CRBN: variants seen among roughly 807,000 people sequenced by gnomAD.
CRBN encodes the protein protein cereblon.
A neutral mutation model predicts 62.2 loss-of-function variants in CRBN; 53 were observed. The observed-to-expected ratio is 0.85, with a 90% CI of 0.68 to 1.07. CRBN has a LOEUF of 1.07. Among genes scored for constraint, CRBN ranks in the 50% least tolerant of loss-of-function variants. The pLI, the probability that CRBN is intolerant of heterozygous loss-of-function variation, is 0.00. For synonymous variants in CRBN, 208 were observed against 176.1 expected (o/e 1.18, Z -1.43); for missense variants, 616 against 531.1 (o/e 1.16, Z -1.57).
At chr3:3,175,316 C>G in intron 1 of CRBN, 47 bp from the exon 2 acceptor site, 4 of 1,329,624 alleles carry the variant, frequency 3.0e-6, no homozygotes, top group Non-Finnish European at 4.3e-6. Context: ...TGAATGAAAA[C>G]CTTTCAAACA....
intron 9 of CRBN, chr3:3,152,792 A>G (rs1706672474): frequency 1.7e-6 from 1 of 605,250 alleles, no homozygotes; most frequent in South Asian, 2.0e-5. Context: ...CTAAATGTCT[A>G]AATGTTTTCT....
At chr3:3,153,207 C>A in intron 9 of CRBN, 1 of 495,334 alleles carries the variant, frequency 2.0e-6, no homozygotes, top group Non-Finnish European at 3.7e-6. Flanking sequence ...TTTACTTTAC[C>A]ATGCTCATTA....
intron 5 of CRBN, among the ~76,000 whole-genome samples, chr3:3,161,425 T>C (rs1379830272): frequency 2.6e-5 from 4 of 151,910 alleles, no homozygotes; most frequent in African/African-American, 7.3e-5. Flanking sequence ...CAGGCCATGA[T>C]GAAACAATAA....
intron 5 of CRBN, among the ~76,000 whole-genome samples, chr3:3,164,892 G>A (rs1367313899): frequency 6.6e-6 from 1 of 152,154 alleles, no homozygotes; most frequent in Non-Finnish European, 1.5e-5. Context: ...TTCCTCTGAT[G>A]GATCTGGAAA....
In CRBN at chr3:3,150,696, A is replaced by G. The variant is rs1706467075; in HGVS notation, c.*169T>C. The G allele has an allele frequency of 1.5e-6, 1 of 655,256 alleles. No individual in the cohort carries two copies. Among genetic ancestry groups the G allele is most frequent in the Middle Eastern group, 4.3e-4 (1 of 2,304 alleles). 40.6% of individuals were successfully genotyped at this position (655,256 alleles called of 1,614,324 possible). ...ATGCTTGTTTCCTAAAGTATACTTA[A>G]AAGTTTCAAATACAGTTTCACTTAG... is the stretch of plus-strand genomic sequence containing the variant. On this transcript the variant is annotated 3_prime_UTR_variant, in exon 11 of 11. Transcript: ENST00000231948.
chr3:3,160,927 A>C (rs1348556756), intron 5 of CRBN, among the ~76,000 whole-genome samples: 1 of 152,248 alleles, frequency 6.6e-6, no homozygotes, highest in East Asian at 1.9e-4. Context: ...GTAGGACAAT[A>C]GGGAGCCATC....
chr3:3,178,995 G>T (rs949639660), intron 1 of CRBN, among the ~76,000 whole-genome samples: 3 of 151,866 alleles, frequency 2.0e-5, no homozygotes, highest in African/African-American at 7.3e-5. Flanking sequence ...AATCGTACAT[G>T]CCTGAGAAAG....
chr3:3,176,963 T>C (rs1707846956), intron 1 of CRBN, among the ~76,000 whole-genome samples: 1 of 152,200 alleles, frequency 6.6e-6, no homozygotes, highest in African/African-American at 2.4e-5. Context: ...AAATTTCCTA[T>C]CCTAGACCAG....
At position 3,165,327 on chromosome 3, in the gene CRBN, G is replaced by C. The variant is rs184168096; in HGVS notation, c.687+2307C>G. ...TTCTGACAGGACTGACTCCAATTTTGAAAGTTCTGTTGTGGCTTAAATGCT... is the reference window on the plus strand; with the variant it reads ...TTCTGACAGGACTGACTCCAATTTTCAAAGTTCTGTTGTGGCTTAAATGCT... On this transcript the variant is annotated intron_variant, in intron 5 of 10. Coordinates refer to ENST00000231948, the MANE Select transcript of CRBN (RefSeq NM_016302.4). Among the ~76,000 whole-genome samples, 218 of 152,318 alleles carry C rather than the reference G, an allele frequency of 1.4e-3. 1 individual carries two copies. Among genetic ancestry groups the C allele is most frequent in the Non-Finnish European group, 2.4e-3 (165 of 68,018 alleles).
At chr3:3,177,796 T>C (rs1336177131) in intron 1 of CRBN, among the ~76,000 whole-genome samples, 1 of 152,206 alleles carries the variant, frequency 6.6e-6, no homozygotes, top group East Asian at 1.9e-4. Context: ...ATGTTTCATT[T>C]GCCTAGGATA....
chr3:3,173,932 C>G, intron 3 of CRBN, 127 bp downstream of exon 3: 1 of 820,942 alleles, frequency 1.2e-6, no homozygotes, highest in Non-Finnish European at 2.1e-6. Flanking sequence ...AACCAAATTC[C>G]TAACCTCACA....
intron 10 of CRBN, among the ~76,000 whole-genome samples, chr3:3,151,327 G>A (rs539911839): frequency 2.6e-5 from 4 of 152,242 alleles, no homozygotes; most frequent in South Asian, 2.1e-4. Flanking sequence ...AGAAATTGCT[G>A]GTTGCCAAGA....
chr3:3,173,841 T>A, intron 3 of CRBN: 1 of 563,914 alleles, frequency 1.8e-6, no homozygotes, highest in Non-Finnish European at 3.2e-6. Context: ...AAAGTTAAAT[T>A]GTGTATGAAG....
intron 5 of CRBN, among the ~76,000 whole-genome samples, chr3:3,165,945 G>T (rs1394728428): frequency 6.6e-6 from 1 of 152,088 alleles, no homozygotes; most frequent in Non-Finnish European, 1.5e-5. Flanking sequence ...CTCCTTGGGG[G>T]CCACATACTG....
chr3:3,152,028 G>A (rs2126049761), intron 10 of CRBN, among the ~76,000 whole-genome samples: 1 of 152,266 alleles, frequency 6.6e-6, no homozygotes, highest in East Asian at 1.9e-4. Flanking sequence ...GATTTAACTG[G>A]ATACAGTAAT....
At chr3:3,170,434 A>G (rs1707558280) in intron 4 of CRBN, among the ~76,000 whole-genome samples, 1 of 152,234 alleles carries the variant, frequency 6.6e-6, no homozygotes, top group South Asian at 2.1e-4. Flanking sequence ...CTTGAGTTTC[A>G]AATGTGTTAT....
chr3:3,150,802 T>C lies in CRBN; in HGVS notation c.*63A>G, dbSNP rs1367298824. The C allele has an allele frequency of 6.0e-6, 9 of 1,512,578 alleles. No homozygotes were observed. Among genetic ancestry groups the C allele is most frequent in the African/African-American group, 4.1e-5 (3 of 72,666 alleles). The allele number at this position is 1,512,578 out of a possible 1,614,324, so 93.7% of individuals were successfully genotyped here. A position where few individuals can be genotyped will look rare whatever the true frequency, so the allele number is the denominator to read the frequency against. On this transcript the variant is annotated 3_prime_UTR_variant, in exon 11 of 11. Coordinates refer to ENST00000231948, the MANE Select transcript of CRBN (RefSeq NM_016302.4). ...CTTAGGTATGTATCAGAGGCAATAA[T>C]TTCCAAAGCAGATCTTAGAATATAA...
chr3:3,166,524 C>A (rs913154430), intron 5 of CRBN, among the ~76,000 whole-genome samples: 1 of 152,072 alleles, frequency 6.6e-6, no homozygotes, highest in East Asian at 1.9e-4. Flanking sequence ...TATTACTAAA[C>A]GTTAAAAAAT....
chr3:3,166,812 C>A (rs1195200239), intron 5 of CRBN, among the ~76,000 whole-genome samples: 2 of 151,690 alleles, frequency 1.3e-5, no homozygotes, highest in African/African-American at 4.8e-5. Flanking sequence ...CATTAATTAT[C>A]CATAATAATT....
Sources: allele counts gnomAD v4.1 joint callset (sites outside exome capture counted in the v4.1 genomes callset), GRCh38; gene constraint gnomAD v4.1.1; transcripts MANE v1.5; gene names NCBI Gene and HGNC (gene_info 2026-07-23, HGNC 2026-07-21).